ANKRD36: variants seen among roughly 807,000 people sequenced by gnomAD.
The protein encoded by ANKRD36 is ankyrin repeat domain 36.
In ANKRD36, 179 loss-of-function variants were observed where a neutral mutation model predicts 278.1. That is an observed-to-expected ratio of 0.64 (90% confidence interval 0.57 to 0.73). The LOEUF is 0.73. Ranked by LOEUF, ANKRD36 falls within the 30% of genes least tolerant of loss-of-function variation. The pLI is 0.00. For synonymous variants in ANKRD36, 320 were observed against 641.1 expected, an observed-to-expected ratio of 0.50 and a Z score of 7.57; for missense variants, 1,159 against 1,956.7, an observed-to-expected ratio of 0.59 and a Z score of 7.69.
intron 24 of ANKRD36, among the ~76,000 whole-genome samples, 166 bp downstream of exon 24, chr2:97,180,099 C>T (rs1386918497): frequency 1.3e-5 from 2 of 151,438 alleles, no homozygotes; most frequent in Non-Finnish European, 3.0e-5. Context: ...TGCTGCTGGT[C>T]CTTGGTCATG....
intron 3 of ANKRD36, among the ~76,000 whole-genome samples, chr2:97,121,406 A>C (rs2036792683): frequency 6.6e-6 from 1 of 152,088 alleles, no homozygotes; most frequent in Admixed American, 6.6e-5. Flanking sequence ...TTTGGGAGGC[A>C]GAGGCAGGTA....
In ANKRD36 at chr2:97,191,091, C is replaced by A; in HGVS notation, c.2275-18C>A. On this transcript the variant is annotated intron_variant, in intron 35 of 75. Coordinates refer to ENST00000420699, the MANE Select transcript of ANKRD36 (RefSeq NM_001354587.1). ...CATTGATTTATTTATTTATTACTTT[C>A]TTTCAAATTCCATTCAGGCTACAAC... 3.1e-6 allele frequency: 5 copies of A among 1,592,462 alleles called. No individual in the cohort carries two copies. Among genetic ancestry groups the A allele is most frequent in the Non-Finnish European group, 4.3e-6 (5 of 1,169,982 alleles).
intron 6 of ANKRD36, among the ~76,000 whole-genome samples, chr2:97,140,134 C>T (rs1402812847): frequency 6.6e-6 from 1 of 151,612 alleles, no homozygotes; most frequent in Non-Finnish European, 1.5e-5. Context: ...TCATGGCACT[C>T]TGCTCTTCTT....
At chr2:97,222,079 A>G (rs1244334091) in intron 66 of ANKRD36, among the ~76,000 whole-genome samples, 26 of 152,010 alleles carry the variant, frequency 1.7e-4, no homozygotes, top group African/African-American at 6.3e-4. Flanking sequence ...GTCAAAGATC[A>G]GATAGTTATA....
At chr2:97,200,674 T>A in intron 46 of ANKRD36, 149 bp downstream of exon 46, 2 of 1,311,768 alleles carry the variant, frequency 1.5e-6, no homozygotes, top group Non-Finnish European at 1.0e-6. Flanking sequence ...TGGGTTATGC[T>A]GATGCTGCTT....
chr2:97,158,066 A>G, intron 15 of ANKRD36, 41 bp from the exon 16 acceptor site: 1 of 1,386,456 alleles, frequency 7.2e-7, no homozygotes, highest in Non-Finnish European at 9.9e-7. Context: ...TCATTATTTT[A>G]ACTTGCTGCA....
chr2:97,167,045 TTAGG>T (rs948303834), intron 20 of ANKRD36, among the ~76,000 whole-genome samples: 1 of 151,932 alleles, frequency 6.6e-6, no homozygotes, highest in Non-Finnish European at 1.5e-5. Flanking sequence ...TAATTACACA[TTAGG>T]TATTTGGAGT....
At chr2:97,151,083 C>T (rs377040718) in intron 12 of ANKRD36, among the ~76,000 whole-genome samples, 3 of 152,098 alleles carry the variant, frequency 2.0e-5, no homozygotes, top group African/African-American at 4.8e-5. Context: ...TTCTTTTAAG[C>T]GCATATTTGA....
intron 42 of ANKRD36, 50 bp downstream of exon 42, chr2:97,196,838 A>C (rs1262620788): frequency 6.5e-7 from 1 of 1,541,324 alleles, no homozygotes; most frequent in African/African-American, 1.4e-5. Flanking sequence ...ATAGATAAGA[A>C]GTTCTCTTCC....
chr2:97,140,074 T>G (rs1269327047), intron 6 of ANKRD36, among the ~76,000 whole-genome samples: 1 of 151,962 alleles, frequency 6.6e-6, no homozygotes, highest in Non-Finnish European at 1.5e-5. Context: ...GTAAATAGAA[T>G]AATTTTCATT....
At chr2:97,150,575 T>C (rs911363519) in intron 12 of ANKRD36, among the ~76,000 whole-genome samples, 1 of 152,094 alleles carries the variant, frequency 6.6e-6, no homozygotes, top group African/African-American at 2.4e-5. Flanking sequence ...CTTGAATGTT[T>C]TGAATTTATC....
At chr2:97,132,207 T>C (rs2040362086) in intron 6 of ANKRD36, among the ~76,000 whole-genome samples, 1 of 151,250 alleles carries the variant, frequency 6.6e-6, no homozygotes. Context: ...CAATCTCCAC[T>C]GCAGCCTCAA....
chr2:97,121,317 T>C (rs1205713132), intron 3 of ANKRD36, among the ~76,000 whole-genome samples: 2 of 152,078 alleles, frequency 1.3e-5, no homozygotes, highest in Non-Finnish European at 2.9e-5. Context: ...GACAACATTA[T>C]ATTTTTCTCT....
intron 15 of ANKRD36, among the ~76,000 whole-genome samples, chr2:97,156,039 T>C (rs1009505256): frequency 6.8e-6 from 1 of 146,092 alleles, no homozygotes; most frequent in Non-Finnish European, 1.5e-5. Flanking sequence ...TGAGAAAATA[T>C]GTTATAGAAG....
intron 50 of ANKRD36, among the ~76,000 whole-genome samples, chr2:97,205,138 T>C (rs2062493550): frequency 6.6e-6 from 1 of 151,678 alleles, no homozygotes; most frequent in African/African-American, 2.4e-5. Flanking sequence ...CCTAGAGTGA[T>C]CATTTTCAAT....
At chr2:97,216,479 G>T (rs1332986878) in intron 62 of ANKRD36, among the ~76,000 whole-genome samples, 2 of 152,106 alleles carry the variant, frequency 1.3e-5, no homozygotes, top group African/African-American at 4.8e-5. Flanking sequence ...ATTGATAATT[G>T]ATGATATTTT....
chr2:97,192,686 C>T (rs948412390), intron 36 of ANKRD36, among the ~76,000 whole-genome samples, 172 bp from the exon 37 acceptor site: 4 of 151,630 alleles, frequency 2.6e-5, no homozygotes, highest in African/African-American at 9.7e-5. Flanking sequence ...CCTGTATTCC[C>T]TTTTTTCAGT....
At chr2:97,208,294 C>T (rs1446424447) in intron 54 of ANKRD36, among the ~76,000 whole-genome samples, 1 of 146,580 alleles carries the variant, frequency 6.8e-6, no homozygotes, top group African/African-American at 2.7e-5. Context: ...CTTTAATTCT[C>T]CAGCTTGTTT....
At chr2:97,152,026 T>C in intron 13 of ANKRD36, 87 bp downstream of exon 13, 2 of 1,101,026 alleles carry the variant, frequency 1.8e-6, no homozygotes, top group South Asian at 1.4e-5. Context: ...GTCTTACTAG[T>C]CTGCAGCACA....
Sources: allele counts gnomAD v4.1 joint callset (sites outside exome capture counted in the v4.1 genomes callset), GRCh38; gene constraint gnomAD v4.1.1; transcripts MANE v1.5; gene names NCBI Gene and HGNC (gene_info 2026-07-23, HGNC 2026-07-21).